The following CRPPA variants were observed in gnomAD, a reference collection of about 807,000 sequenced individuals.
CRPPA encodes D-ribitol-5-phosphate cytidylyltransferase.
CRPPA carries 43 observed loss-of-function variants against 52.0 expected under a neutral mutation model. That is an observed-to-expected ratio of 0.83 (90% confidence interval 0.65 to 1.07). The LOEUF is 1.07. Ranked by LOEUF, CRPPA falls within the 50% of genes least tolerant of loss-of-function variation. The pLI is 0.00. For missense variants in CRPPA, 629 were observed against 551.7 expected, an observed-to-expected ratio of 1.14 and a Z score of -1.40; for synonymous variants, 250 against 203.5, an observed-to-expected ratio of 1.23 and a Z score of -1.94.
At chr7:16,287,253 G>T (rs1784470671) in intron 5 of CRPPA, among the ~76,000 whole-genome samples, 1 of 152,148 alleles carries the variant, frequency 6.6e-6, no homozygotes, top group East Asian at 1.9e-4. Flanking sequence ...CATCCTGAAA[G>T]ATTTTTTTCC....
At position 16,389,918 on chromosome 7, in the gene CRPPA, A is replaced by ATATATATAT. The variant is rs1244722979; in HGVS notation, c.535-13678_535-13677insATATATATA. Among the ~76,000 whole-genome samples the ATATATATAT allele has an allele frequency of 8.4e-4, 53 of 62,986 alleles. 2 individuals carry two copies. Among genetic ancestry groups the ATATATATAT allele is most frequent in the African/African-American group, 3.2e-3 (46 of 14,170 alleles). The allele number at this position is 62,986 out of a possible 152,430, so 41.3% of individuals were successfully genotyped here. A position where few individuals can be genotyped will look rare whatever the true frequency, so the allele number is the denominator to read the frequency against. Reference sequence around the variant, plus strand: ...CAGAGAACAAGCCTAGTATACAAAAAAAAAAAAAAAATATATATATATATA... The same window carrying ATATATATAT: ...CAGAGAACAAGCCTAGTATACAAAAATATATATATAAAAAAAAAAATATATATATATATA... On this transcript the variant is annotated intron_variant, in intron 2 of 9. Coordinates refer to ENST00000407010, the MANE Select transcript of CRPPA (RefSeq NM_001101426.4).
chr7:16,390,273 T>C (rs1449542781), intron 2 of CRPPA, among the ~76,000 whole-genome samples: 1 of 152,126 alleles, frequency 6.6e-6, no homozygotes, highest in Non-Finnish European at 1.5e-5. Flanking sequence ...ATTAAATCAA[T>C]TCTTTCGATA....
chr7:16,380,733 C>T (rs1400941785), intron 2 of CRPPA, among the ~76,000 whole-genome samples: 1 of 152,118 alleles, frequency 6.6e-6, no homozygotes, highest in Non-Finnish European at 1.5e-5. Context: ...GTGTATGTGT[C>T]GAGGAATTTA....
intron 9 of CRPPA, among the ~76,000 whole-genome samples, chr7:16,185,031 A>G (rs1244409214): frequency 6.6e-6 from 1 of 152,210 alleles, no homozygotes; most frequent in Non-Finnish European, 1.5e-5. Flanking sequence ...TCTAGGTACC[A>G]TAGACTATTT....
chr7:16,354,174 C>A (rs560762197), intron 3 of CRPPA, among the ~76,000 whole-genome samples: 188 of 152,186 alleles, frequency 1.2e-3, no homozygotes, highest in Non-Finnish European at 2.2e-3. Context: ...ACAATATTCT[C>A]TTGGAAACAA....
chr7:16,164,981 G>C (rs1449013169), intron 9 of CRPPA, among the ~76,000 whole-genome samples: 3 of 151,962 alleles, frequency 2.0e-5, no homozygotes, highest in Non-Finnish European at 2.9e-5. Flanking sequence ...GGGGCGTCAG[G>C]GACCCACTTG....
chr7:16,187,237 G>T (rs992558487), intron 9 of CRPPA, among the ~76,000 whole-genome samples: 3 of 152,040 alleles, frequency 2.0e-5, no homozygotes, highest in African/African-American at 7.2e-5. Flanking sequence ...GTACTACATT[G>T]TTCCTGTCTG....
chr7:16,294,626 T>C (rs1325386887), intron 5 of CRPPA, among the ~76,000 whole-genome samples: 1 of 151,920 alleles, frequency 6.6e-6, no homozygotes, highest in Non-Finnish European at 1.5e-5. Context: ...GAACAAAAAA[T>C]ATTATGTATA....
At chr7:16,286,064 T>TTTAAAAAAAAAAA (rs1562608509) in intron 5 of CRPPA, among the ~76,000 whole-genome samples, 14 of 29,768 alleles carry the variant, frequency 4.7e-4, no homozygotes, top group South Asian at 6.8e-4. Flanking sequence ...TATATATATA[T>TTTAAAAAAAAAAA]ATATATATAT....
At chr7:16,158,701 C>T (rs1051417473) in intron 9 of CRPPA, among the ~76,000 whole-genome samples, 2 of 152,162 alleles carry the variant, frequency 1.3e-5, no homozygotes, top group Non-Finnish European at 2.9e-5. Flanking sequence ...TAAAGATACT[C>T]TTAAAACAGC....
At chr7:16,384,566 A>G (rs887249918) in intron 2 of CRPPA, among the ~76,000 whole-genome samples, 2 of 152,236 alleles carry the variant, frequency 1.3e-5, no homozygotes, top group African/African-American at 4.8e-5. Flanking sequence ...GCTAGGTGAG[A>G]TATCAAAGGC....
chr7:16,219,899 T>C (rs1416011975), intron 8 of CRPPA, among the ~76,000 whole-genome samples: 1 of 149,310 alleles, frequency 6.7e-6, no homozygotes, highest in African/African-American at 2.5e-5. Context: ...TCTGAAACTA[T>C]TCCAATCAAC....
At position 16,413,771 on chromosome 7, in the gene CRPPA, TG is replaced by T. The variant is rs1310867344; in HGVS notation, c.257+7294del. Among the ~76,000 whole-genome samples the T allele has an allele frequency of 3.9e-5, 6 of 152,362 alleles. No individual in the cohort carries two copies. The East Asian group carries it at 1.2e-3, about 29-fold the overall frequency. ...AGTTAATATACTGAAACACAGACTATGGAGTCTTAAACAATAATGAAATATA... is the reference window on the plus strand; with the variant it reads ...AGTTAATATACTGAAACACAGACTATGAGTCTTAAACAATAATGAAATATA... On this transcript the variant is annotated intron_variant, in intron 1 of 9. Transcript: ENST00000407010.
At chr7:16,301,528 A>G in intron 4 of CRPPA, 62 bp from the exon 5 acceptor site, 1 of 1,194,294 alleles carries the variant, frequency 8.4e-7, no homozygotes, top group Non-Finnish European at 1.2e-6. Context: ...AAGCAATAAA[A>G]TAATGCCCCC....
At chr7:16,328,765 T>C (rs1378066054) in intron 3 of CRPPA, among the ~76,000 whole-genome samples, 3 of 152,184 alleles carry the variant, frequency 2.0e-5, no homozygotes, top group Non-Finnish European at 2.9e-5. Context: ...TCCACCCGCC[T>C]CAGCCTCCCA....
At chr7:16,356,519 C>T (rs921926282) in intron 3 of CRPPA, among the ~76,000 whole-genome samples, 1 of 152,164 alleles carries the variant, frequency 6.6e-6, no homozygotes, top group Non-Finnish European at 1.5e-5. Flanking sequence ...GTCTGAGGTC[C>T]GGCTCAGGCT....
At chr7:16,408,627 T>C in intron 1 of CRPPA, among the ~76,000 whole-genome samples, 1 of 152,154 alleles carries the variant, frequency 6.6e-6, no homozygotes, top group East Asian at 1.9e-4. Flanking sequence ...CTAATAGGAG[T>C]TTTTGGTAAA....
At chr7:16,105,205 G>A (rs966084606) in intron 9 of CRPPA, among the ~76,000 whole-genome samples, 6 of 152,276 alleles carry the variant, frequency 3.9e-5, no homozygotes, top group Middle Eastern at 3.4e-3. Context: ...GCAACTATCC[G>A]CAGACTGGAA....
At chr7:16,127,017 A>G (rs1228855086) in intron 9 of CRPPA, among the ~76,000 whole-genome samples, 1 of 152,190 alleles carries the variant, frequency 6.6e-6, no homozygotes, top group East Asian at 1.9e-4. Context: ...AAAAGTTGTA[A>G]TAATATGCAG....
Sources: allele counts gnomAD v4.1 joint callset (sites outside exome capture counted in the v4.1 genomes callset), GRCh38; gene constraint gnomAD v4.1.1; transcripts MANE v1.5; gene names NCBI Gene and HGNC (gene_info 2026-07-23, HGNC 2026-07-21).